Variants in KIF1B observed in about 807,000 individuals in gnomAD.
KIF1B encodes kinesin-like protein KIF1B.
In KIF1B, 76 loss-of-function variants were observed where a neutral mutation model predicts 241.9. The observed-to-expected ratio is 0.31, with a 90% CI of 0.26 to 0.38. The LOEUF (loss-of-function observed/expected upper bound fraction) is 0.38. Ranked by LOEUF, KIF1B falls within the 10% of genes least tolerant of loss-of-function variation. KIF1B has a pLI of 1.00. For missense variants in KIF1B, 1,622 were observed against 2,271.4 expected (o/e 0.71, Z 5.81); for synonymous variants, 750 against 796.7 (o/e 0.94, Z 0.99).
chr1:10,317,440 AT>A (rs951562161), intron 22 of KIF1B, among the ~76,000 whole-genome samples: 11 of 151,300 alleles, frequency 7.3e-5, no homozygotes, highest in African/African-American at 2.7e-4. Context: ...GGAAGCAGCT[AT>A]TTTTTTCAAG....
chr1:10,359,904 G>A lies in KIF1B; in HGVS notation c.4056-1025G>A, dbSNP rs560049562. 3.3e-5 allele frequency among the ~76,000 whole-genome samples: 5 copies of A among 151,962 alleles called. No homozygotes were observed. The South Asian group carries it at 6.2e-4, about 19-fold the overall frequency. The stretch of plus-strand genomic sequence containing the variant: ...GAAAAATTAGCTGGCGTAGTGGTGC[G>A]TGCCTATAATCCCAGCTACTCAGGA... On this transcript the variant is annotated intron_variant, in intron 38 of 48. Transcript: ENST00000676179.
At chr1:10,282,906 T>C (rs976064270) in intron 15 of KIF1B, among the ~76,000 whole-genome samples, 3 of 151,206 alleles carry the variant, frequency 2.0e-5, no homozygotes, top group African/African-American at 4.9e-5. Context: ...CATGCTTCTG[T>C]TAATAAAGAT....
intron 22 of KIF1B, chr1:10,304,913 A>C: frequency 7.5e-7 from 1 of 1,330,358 alleles, no homozygotes; most frequent in South Asian, 1.7e-5. Context: ...GTGCCTAATT[A>C]ATATACTTAC....
At position 10,303,296 on chromosome 1, in the gene KIF1B, G is replaced by A. The variant is rs781590974; in HGVS notation, c.2115+6050G>A. ...ATTGTTAAAAAATGTGGCCTCCCAA[G>A]CAGTGGGAAGAAACGTGAACCAATT... is the stretch of plus-strand genomic sequence containing the variant. On this transcript the variant is annotated intron_variant, in intron 22 of 48. Transcript: ENST00000676179. This position sits in a 1 kb window ranked among gnomAD's most constrained non-coding sequence, Gnocchi z 5.2. 13 of 1,614,070 alleles carry A rather than the reference G, an allele frequency of 8.1e-6. No homozygotes were observed. Among genetic ancestry groups the A allele is most frequent in the Non-Finnish European group, 1.1e-5 (13 of 1,180,046 alleles).
intron 14 of KIF1B, among the ~76,000 whole-genome samples, chr1:10,280,915 C>T (rs1428505188): frequency 6.6e-6 from 1 of 152,130 alleles, no homozygotes; most frequent in Non-Finnish European, 1.5e-5. Context: ...TGATCTATTT[C>T]TCTTTATTCC....
chr1:10,373,587 G>A (rs1428970274), intron 45 of KIF1B, among the ~76,000 whole-genome samples: 1 of 152,016 alleles, frequency 6.6e-6, no homozygotes, highest in African/African-American at 2.4e-5. Flanking sequence ...GTTAAAATGG[G>A]CTTTTTAGAT....
intron 2 of KIF1B, among the ~76,000 whole-genome samples, chr1:10,253,032 A>ATCAAATG: frequency 2.0e-5 from 3 of 152,156 alleles, no homozygotes; most frequent in Admixed American, 6.6e-5. Context: ...GCCAATAAAG[A>ATCAAATG]GAATTTTAAA....
At chr1:10,317,880 G>A (rs1320768270) in intron 22 of KIF1B, among the ~76,000 whole-genome samples, 1 of 151,098 alleles carries the variant, frequency 6.6e-6, no homozygotes, top group Non-Finnish European at 1.5e-5. Flanking sequence ...CCATGTAAGA[G>A]GGCTTTCACG....
At chr1:10,347,653 G>T in intron 35 of KIF1B, 108 bp from the exon 36 acceptor site, 1 of 863,682 alleles carries the variant, frequency 1.2e-6, no homozygotes. Context: ...ATGCCAGCAT[G>T]GGTGAGAAAG....
chr1:10,324,646 G>A (rs1290883910), intron 25 of KIF1B, 112 bp from the exon 26 acceptor site: 2 of 1,235,370 alleles, frequency 1.6e-6, no homozygotes, highest in East Asian at 4.7e-5. Flanking sequence ...AACAGTGGGA[G>A]CAACTCCTTT....
chr1:10,363,191 C>A, intron 40 of KIF1B, 92 bp from the exon 41 acceptor site: 2 of 922,228 alleles, frequency 2.2e-6, no homozygotes, highest in Non-Finnish European at 3.5e-6. Flanking sequence ...TGAGTCCCTG[C>A]AGAGAAGACA....
Position 10,248,188 on chromosome 1 carries a change from A to G in KIF1B, c.107-8059A>G, listed in dbSNP as rs549104181. ...CTTTTGATCATTGAATATTGGGTCAATTTTGTTGTTGTTGTTGTTGTTGTT... is the reference window on the plus strand; with the variant it reads ...CTTTTGATCATTGAATATTGGGTCAGTTTTGTTGTTGTTGTTGTTGTTGTT... On this transcript the variant is annotated intron_variant, in intron 2 of 48. Coordinates refer to ENST00000676179, the MANE Select transcript of KIF1B (RefSeq NM_001365951.3). Among the ~76,000 whole-genome samples the G allele has an allele frequency of 1.1e-4, 12 of 108,980 alleles. 1 individual carries two copies. In the South Asian group the frequency reaches 1.4e-3, roughly 12 times the overall value. 71.5% of individuals were successfully genotyped at this position (108,980 alleles called of 152,430 possible). A position where few individuals can be genotyped will look rare whatever the true frequency, so the allele number is the denominator to read the frequency against.
intron 2 of KIF1B, among the ~76,000 whole-genome samples, chr1:10,235,699 A>G (rs1302586563): frequency 6.6e-6 from 1 of 152,032 alleles, no homozygotes; most frequent in African/African-American, 2.4e-5. Context: ...CGTCTCTACT[A>G]AAAATACAAA....
At position 10,375,319 on chromosome 1, in the gene KIF1B, A is replaced by G; in HGVS notation, c.5354A>G (p.Lys1785Arg). 1 of 1,614,196 alleles carries G rather than the reference A, an allele frequency of 6.2e-7. No individual in the cohort carries two copies. The highest frequency in any genetic ancestry group is 8.5e-7 in the Non-Finnish European group (1 of 1,180,048). The change falls in exon 48 of 49, where the codon AAA (lysine) becomes AGA (arginine). Residue 1785 changes from lysine to arginine, a missense_variant. By Grantham distance (26) the Lys-to-Arg change is conservative. Around this residue, in one of 7 missense-constraint regions of KIF1B, gnomAD observed 357 missense variants for 409.0 expected, o/e 0.87. Coordinates refer to ENST00000676179, the MANE Select transcript of KIF1B (RefSeq NM_001365951.3). Reference protein sequence around the residue: ...RGVLLQALNDKDMNDWLYAFN... With the variant: ...RGVLLQALNDRDMNDWLYAFN... The stretch of plus-strand genomic sequence containing the variant: ...GTCCTTTTGCAGGCCCTCAATGACA[A>G]AGACATGAACGACTGGTTGTATGCC...
At chr1:10,228,206 G>A (rs1195698189) in intron 1 of KIF1B, among the ~76,000 whole-genome samples, 2 of 151,282 alleles carry the variant, frequency 1.3e-5, no homozygotes, top group African/African-American at 4.9e-5. Context: ...AAAGAAAAGA[G>A]AAAAAAAAGA....
intron 35 of KIF1B, among the ~76,000 whole-genome samples, chr1:10,346,396 G>A (rs955981237): frequency 6.6e-6 from 1 of 151,362 alleles, no homozygotes; most frequent in Non-Finnish European, 1.5e-5. Flanking sequence ...ATGGAGGCTT[G>A]CTCTGTTGCC....
intron 17 of KIF1B, among the ~76,000 whole-genome samples, 187 bp from the exon 18 acceptor site, chr1:10,294,899 G>A (rs977213093): frequency 1.3e-5 from 2 of 152,116 alleles, no homozygotes. Context: ...AATGCACTTG[G>A]TTCCGTTTGG....
Position 10,365,482 on chromosome 1 carries a change from C to T in KIF1B, c.4586C>T (p.Ser1529Leu), listed in dbSNP as rs781051649. The change falls in exon 43 of 49, where the codon TCG becomes TTG. Residue 1529 changes from serine to leucine, a missense_variant. Around this residue, in one of 7 missense-constraint regions of KIF1B, gnomAD observed 357 missense variants for 409.0 expected, o/e 0.87. Transcript: ENST00000676179. The surrounding 1 kb of genome is among the most constrained non-coding windows in gnomAD (Gnocchi z 4.0). ...GDSIPKSLSDSLSPSLSSGTL... is the reference protein window; with the variant it reads ...GDSIPKSLSDLLSPSLSSGTL... ...AGCATCCCCAAATCCCTGAGCGACT[C>T]GTTATCCCCCAGCCTCAGCAGTGGG... 1.5e-5 allele frequency: 25 copies of T among 1,614,110 alleles called. No homozygotes were observed. Among genetic ancestry groups the T allele is most frequent in the Non-Finnish European group, 2.0e-5 (24 of 1,180,022 alleles).
At chr1:10,237,977 C>G (rs1426351308) in intron 2 of KIF1B, among the ~76,000 whole-genome samples, 1 of 152,028 alleles carries the variant, frequency 6.6e-6, no homozygotes, top group Non-Finnish European at 1.5e-5. Flanking sequence ...CCACTGCGCT[C>G]TAGCCTGGGC....
Sources: allele counts gnomAD v4.1 joint callset (sites outside exome capture counted in the v4.1 genomes callset), GRCh38; gene constraint gnomAD v4.1.1; regional missense constraint gnomAD v4.1.1; non-coding constraint Gnocchi (gnomAD v3.1); transcripts MANE v1.5; gene names NCBI Gene and HGNC (gene_info 2026-07-23, HGNC 2026-07-21).